WDPCP: variants seen among roughly 807,000 people sequenced by gnomAD.
WDPCP encodes the protein WD repeat-containing and planar cell polarity effector protein fritz homolog.
In WDPCP, 71 loss-of-function variants were observed where a neutral mutation model predicts 93.1. That is an observed-to-expected ratio of 0.76 (90% CI 0.63 to 0.93). The LOEUF is 0.93. Ranked by LOEUF, WDPCP falls within the 40% of genes least tolerant of loss-of-function variation. The pLI, the probability that WDPCP is intolerant of heterozygous loss-of-function variation, is 0.00. For missense variants in WDPCP, 844 were observed against 887.4 expected (o/e 0.95, Z 0.62); for synonymous variants, 315 against 315.0 (o/e 1.00, Z 0.00).
At chr2:63,714,324 TC>T (rs768781858) in intron 2 of WDPCP, among the ~76,000 whole-genome samples, 95 of 152,186 alleles carry the variant, frequency 6.2e-4, no homozygotes, top group Non-Finnish European at 9.1e-4. Context: ...CGCCTTGTCC[TC>T]CCAAAGTGCT....
At chr2:63,794,794 C>A (rs1003748528) in intron 2 of WDPCP, among the ~76,000 whole-genome samples, 2 of 152,210 alleles carry the variant, frequency 1.3e-5, no homozygotes, top group Non-Finnish European at 2.9e-5. Flanking sequence ...CTTTTGACTA[C>A]CATCTTTGCT....
chr2:63,604,458 C>T (rs1709488988), intron 3 of WDPCP, among the ~76,000 whole-genome samples: 1 of 152,220 alleles, frequency 6.6e-6, no homozygotes, highest in Non-Finnish European at 1.5e-5. Context: ...TGGGATGCTT[C>T]ATACCCTTAA....
chr2:63,790,917 A>G (rs767805694), intron 2 of WDPCP, among the ~76,000 whole-genome samples: 4 of 152,208 alleles, frequency 2.6e-5, no homozygotes, highest in Non-Finnish European at 4.4e-5. Flanking sequence ...CTTTACATAT[A>G]ATAAGGCAAG....
chr2:63,597,708 G>A, intron 3 of WDPCP: 1 of 751,918 alleles, frequency 1.3e-6, no homozygotes. Flanking sequence ...CGGCTCTAGA[G>A]TTTTGCTTGA....
At chr2:63,636,381 C>A (rs1022636411) in intron 3 of WDPCP, among the ~76,000 whole-genome samples, 5 of 152,118 alleles carry the variant, frequency 3.3e-5, no homozygotes, top group African/African-American at 1.2e-4. Context: ...CCACAAAGGA[C>A]CCAAAACACC....
chr2:63,221,548 T>A (rs536053979), intron 14 of WDPCP, among the ~76,000 whole-genome samples: 30 of 152,294 alleles, frequency 2.0e-4, no homozygotes, highest in Admixed American at 4.6e-4. Flanking sequence ...TTCCTAAAGG[T>A]ATTTAGAAGA....
chr2:63,369,737 T>A (rs1350824629), intron 12 of WDPCP, among the ~76,000 whole-genome samples: 2 of 152,204 alleles, frequency 1.3e-5, no homozygotes, highest in Admixed American at 1.3e-4. Flanking sequence ...TTGTTAAGGT[T>A]ATCACAGCAA....
At chr2:63,374,659 T>C (rs1025293863) in intron 12 of WDPCP, among the ~76,000 whole-genome samples, 5 of 152,190 alleles carry the variant, frequency 3.3e-5, no homozygotes, top group African/African-American at 1.2e-4. Flanking sequence ...CTAAAAGCCA[T>C]TTCCAAAAGA....
chr2:63,631,915 C>T (rs922142731), intron 3 of WDPCP, among the ~76,000 whole-genome samples: 4 of 152,222 alleles, frequency 2.6e-5, no homozygotes, highest in Non-Finnish European at 5.9e-5. Flanking sequence ...CCCCAGCATC[C>T]TGCTCTGCAG....
At chr2:63,441,869 AAATTT>A (rs1347437564) in intron 6 of WDPCP, 2 of 152,178 alleles carry the variant, frequency 1.3e-5, no homozygotes, top group African/African-American at 2.4e-5. Flanking sequence ...GCACTAAATT[AAATTT>A]AAGGGCTCAA....
At chr2:63,471,501 T>C (rs1290654286) in intron 6 of WDPCP, among the ~76,000 whole-genome samples, 1 of 152,204 alleles carries the variant, frequency 6.6e-6, no homozygotes, top group Non-Finnish European at 1.5e-5. Context: ...AGTCAGTTCA[T>C]AAGGAAAAAT....
At chr2:63,782,041 T>A (rs1670402351) in intron 2 of WDPCP, among the ~76,000 whole-genome samples, 1 of 152,144 alleles carries the variant, frequency 6.6e-6, no homozygotes, top group African/African-American at 2.4e-5. Flanking sequence ...TCAGTGTTCA[T>A]CCTTCAAACT....
chr2:63,523,281 A>C (rs1703074364), intron 1 of WDPCP, among the ~76,000 whole-genome samples: 1 of 152,192 alleles, frequency 6.6e-6, no homozygotes, highest in South Asian at 2.1e-4. Context: ...AACTCTCAAC[A>C]AACTAGGCAT....
chr2:63,702,427 A>G (rs1430862181), intron 2 of WDPCP, among the ~76,000 whole-genome samples: 1 of 152,252 alleles, frequency 6.6e-6, no homozygotes, highest in African/African-American at 2.4e-5. Context: ...ATATCAATAA[A>G]AAGTAGAATT....
chr2:63,640,584 C>T (rs1049960141), intron 3 of WDPCP, among the ~76,000 whole-genome samples: 1 of 152,186 alleles, frequency 6.6e-6, no homozygotes, highest in Admixed American at 6.5e-5. Flanking sequence ...ACTTAGATGT[C>T]CTTCACCAGG....
intron 2 of WDPCP, among the ~76,000 whole-genome samples, chr2:63,734,590 GT>G (rs1669612134): frequency 6.6e-6 from 1 of 152,136 alleles, no homozygotes; most frequent in Non-Finnish European, 1.5e-5. Flanking sequence ...AAACTTGTAT[GT>G]TCCATCTACA....
intron 1 of WDPCP, among the ~76,000 whole-genome samples, chr2:63,563,575 A>C (rs1041613625): frequency 3.3e-5 from 5 of 151,980 alleles, no homozygotes; most frequent in African/African-American, 1.2e-4. Context: ...ATGACTACTA[A>C]TGCATATAGG....
chr2:63,604,822 G>A lies in WDPCP; in HGVS notation n.488+45837C>T, dbSNP rs1332033395. ...GAAATTGCAAGGAAAGGAAGTTGGT[G>A]TTTATGAAGCTCTGAAAGATGACAG... is the stretch of plus-strand genomic sequence containing the variant. On this transcript the variant is annotated intron_variant and non_coding_transcript_variant, in intron 3 of 4. Coordinates refer to the WDPCP transcript ENST00000467687. 6 of 1,614,090 alleles carry A rather than the reference G, an allele frequency of 3.7e-6. No individual in the cohort carries two copies. In the East Asian group the frequency reaches 1.3e-4, roughly 36 times the overall value.
chr2:63,338,561 AAAAAAAAAAT>A (rs1688582594), intron 12 of WDPCP, among the ~76,000 whole-genome samples: 3 of 74,704 alleles, frequency 4.0e-5, no homozygotes, highest in Admixed American at 1.6e-4. Context: ...TAAAAAAAAA[AAAAAAAAAAT>A]ATATATATAT....
Sources: allele counts gnomAD v4.1 joint callset (sites outside exome capture counted in the v4.1 genomes callset), GRCh38; gene constraint gnomAD v4.1.1; transcripts MANE v1.5; gene names NCBI Gene and HGNC (gene_info 2026-07-23, HGNC 2026-07-21).